KANSL1L: variants seen among roughly 807,000 people sequenced by gnomAD.
KANSL1L encodes KAT8 regulatory NSL complex subunit 1 like.
A neutral mutation model predicts 108.6 loss-of-function variants in KANSL1L; 25 were observed. That is an observed-to-expected ratio of 0.23 (90% confidence interval 0.17 to 0.32). The LOEUF (loss-of-function observed/expected upper bound fraction) is 0.32. Among genes scored for constraint, KANSL1L ranks in the 10% least tolerant of loss-of-function variants. The pLI is 1.00. For missense variants in KANSL1L, 1,137 were observed against 1,125.7 expected (o/e 1.01, Z -0.14); for synonymous variants, 405 against 395.1 (o/e 1.03, Z -0.30).
At chr2:210,058,318 TTGTC>T (rs1225532867) in intron 6 of KANSL1L, among the ~76,000 whole-genome samples, 1 of 152,162 alleles carries the variant, frequency 6.6e-6, no homozygotes, top group Non-Finnish European at 1.5e-5. Flanking sequence ...GTCCGACTGG[TTGTC>T]TGCTCTCAAA....
intron 6 of KANSL1L, among the ~76,000 whole-genome samples, chr2:210,045,066 G>A (rs1559511208): frequency 6.6e-6 from 1 of 152,094 alleles, no homozygotes; most frequent in Non-Finnish European, 1.5e-5. Context: ...CACTGCACCT[G>A]GCCACATTAA....
intron 6 of KANSL1L, among the ~76,000 whole-genome samples, chr2:210,065,571 T>C (rs962595397): frequency 1.5e-5 from 2 of 137,566 alleles, no homozygotes; most frequent in African/African-American, 2.7e-5. Flanking sequence ...TTGAGGTGCC[T>C]GGACATGATT....
At chr2:210,171,570 G>A (rs1213484028), upstream of KANSL1L, 1 of 152,368 alleles carries the variant, frequency 6.6e-6, no homozygotes, top group African/African-American at 2.4e-5. Flanking sequence ...CTTAACTCTG[G>A]TGCAGGGTTT....
chr2:210,128,639 A>G (rs2095090929), intron 3 of KANSL1L, among the ~76,000 whole-genome samples: 1 of 152,186 alleles, frequency 6.6e-6, no homozygotes, highest in Non-Finnish European at 1.5e-5. Flanking sequence ...AGCTTCAGTT[A>G]TAAAAGGTAA....
intron 2 of KANSL1L, among the ~76,000 whole-genome samples, chr2:210,150,377 A>G (rs1341676783): frequency 6.6e-6 from 1 of 152,220 alleles, no homozygotes; most frequent in Non-Finnish European, 1.5e-5. Flanking sequence ...CCATTTCTGT[A>G]TATGTTTTAC....
chr2:210,168,819 CAA>C (rs1688149656), intron 1 of KANSL1L, among the ~76,000 whole-genome samples: 1 of 151,940 alleles, frequency 6.6e-6, no homozygotes, highest in Admixed American at 6.6e-5. Flanking sequence ...AAACAAAAAG[CAA>C]AAGACAATTT....
At chr2:210,091,379 T>C (rs1212009786) in intron 5 of KANSL1L, among the ~76,000 whole-genome samples, 1 of 152,192 alleles carries the variant, frequency 6.6e-6, no homozygotes, top group Non-Finnish European at 1.5e-5. Flanking sequence ...TCCTATTTTC[T>C]TAACCTTTTA....
At chr2:210,162,651 G>T (rs114856911) in intron 1 of KANSL1L, among the ~76,000 whole-genome samples, 2,188 of 151,986 alleles carry the variant, frequency 0.014, 66 homozygotes, top group African/African-American at 0.05. Context: ...AAACGTGGGG[G>T]TTTACTCACA....
chr2:210,023,969 G>A, intron 14 of KANSL1L, 64 bp downstream of exon 14: 1 of 1,146,860 alleles, frequency 8.7e-7, no homozygotes, highest in Non-Finnish European at 1.2e-6. Context: ...TTTTCAAGTA[G>A]TTTCTACAAA....
chr2:210,157,426 T>C (rs1303063277), intron 1 of KANSL1L, among the ~76,000 whole-genome samples: 1 of 152,096 alleles, frequency 6.6e-6, no homozygotes. Context: ...GTGGGTGCAG[T>C]GGCTCATGCC....
intron 5 of KANSL1L, chr2:210,096,894 T>A: frequency 2.5e-6 from 1 of 407,930 alleles, no homozygotes; most frequent in Non-Finnish European, 3.3e-6. Flanking sequence ...ATGTTCAAAA[T>A]AACCAATTAG....
At chr2:210,042,111 G>GCAA (rs772353713) in intron 7 of KANSL1L, among the ~76,000 whole-genome samples, 2 of 152,114 alleles carry the variant, frequency 1.3e-5, no homozygotes, top group Non-Finnish European at 2.9e-5. Context: ...TGCAATTTGT[G>GCAA]GGAAAACATG....
chr2:210,079,690 ATG>A (rs2094573653), intron 5 of KANSL1L: 6 of 25,958 alleles, frequency 2.3e-4, no homozygotes, highest in African/African-American at 6.1e-4. Context: ...ATATATATAT[ATG>A]TATGTGTGTA....
At chr2:210,169,048 A>G (rs1688167595) in intron 1 of KANSL1L, among the ~76,000 whole-genome samples, 1 of 152,160 alleles carries the variant, frequency 6.6e-6, no homozygotes, top group Non-Finnish European at 1.5e-5. Context: ...GCCTAATACT[A>G]GGTGATAAAC....
At chr2:210,141,715 T>C (rs568455208) in intron 2 of KANSL1L, among the ~76,000 whole-genome samples, 2 of 152,332 alleles carry the variant, frequency 1.3e-5, no homozygotes, top group East Asian at 3.9e-4. Flanking sequence ...GAGCTTATCA[T>C]ATATGGCCTT....
chr2:210,148,634 T>C (rs541960400), intron 2 of KANSL1L, among the ~76,000 whole-genome samples: 1 of 152,348 alleles, frequency 6.6e-6, no homozygotes, highest in African/African-American at 2.4e-5. Flanking sequence ...CCAAAAGTTA[T>C]TATTAAAGTC....
Position 210,171,295 on chromosome 2 carries a change from GGCCGCCGCCGCCGCCGCCGCC to G in KANSL1L, c.-197_-177del, listed in dbSNP as rs66917529. The G allele has an allele frequency of 2.2e-3, 380 of 174,708 alleles. 1 individual carries two copies. Among genetic ancestry groups the G allele is most frequent in the East Asian group, 7.4e-3 (44 of 5,928 alleles). 10.8% of individuals were successfully genotyped at this position (174,708 alleles called of 1,614,324 possible). A position where few individuals can be genotyped will look rare whatever the true frequency, so the allele number is the denominator to read the frequency against. The stretch of plus-strand genomic sequence containing the variant: ...CCAGAGCGCGCCCCGCTCCCGCCCC[GGCCGCCGCCGCCGCCGCCGCC>G]GCCGCCGCCGCCGCCGCCGCCGCCG... On this transcript the variant is annotated 5_prime_UTR_variant, in exon 1 of 15. Transcript: ENST00000281772.
rs567378364 is a variant in KANSL1L, at chr2:210,023,910, A to G, written c.2733+123T>C. On this transcript the variant is annotated intron_variant, in intron 14 of 14. Coordinates refer to ENST00000281772, the MANE Select transcript of KANSL1L (RefSeq NM_152519.4). ...CAAAATGCTGCAATACAGATCTTCTATACCTAACTTATTGAATTTGTTATG... is the reference window on the plus strand; with the variant it reads ...CAAAATGCTGCAATACAGATCTTCTGTACCTAACTTATTGAATTTGTTATG... 1.5e-5 allele frequency: 9 copies of G among 587,848 alleles called. No homozygotes were observed. The Middle Eastern group carries it at 1.4e-3, about 92-fold the overall frequency. 36.4% of individuals were successfully genotyped at this position (587,848 alleles called of 1,614,324 possible). A position where few individuals can be genotyped will look rare whatever the true frequency, so the allele number is the denominator to read the frequency against.
intron 3 of KANSL1L, among the ~76,000 whole-genome samples, chr2:210,106,888 C>A (rs2094852486): frequency 6.6e-6 from 1 of 151,996 alleles, no homozygotes; most frequent in African/African-American, 2.4e-5. Flanking sequence ...GTGGCCCATT[C>A]TGATCCACCA....
Sources: gnomAD v4.1 joint callset for allele counts (sites outside exome capture counted in the v4.1 genomes callset) on GRCh38, gnomAD v4.1.1 for gene constraint, MANE v1.5 for transcripts, NCBI Gene and HGNC (gene_info 2026-07-23, HGNC 2026-07-21) for gene names.